CCDC42: variants seen among roughly 807,000 people sequenced by gnomAD.
CCDC42 encodes the protein coiled-coil domain-containing protein 42.
Under a neutral mutation model 40.8 loss-of-function variants are expected in CCDC42, and 38 were observed. The observed-to-expected ratio is 0.93, with a 90% CI of 0.72 to 1.22. CCDC42 has a LOEUF of 1.22. Ranked by LOEUF, CCDC42 falls within the 50% of genes most tolerant of loss-of-function variation. The pLI is 0.00. For missense variants in CCDC42, 379 were observed against 416.5 expected (o/e 0.91, Z 0.78); for synonymous variants, 135 against 157.5 (o/e 0.86, Z 1.07).
chr17:8,730,485 A>G (rs2086573790), intron 6 of CCDC42, among the ~76,000 whole-genome samples: 1 of 152,096 alleles, frequency 6.6e-6, no homozygotes, highest in South Asian at 2.1e-4. Context: ...GATTACAGGT[A>G]CTTGTGACCA....
At position 8,744,812 on chromosome 17, in the gene CCDC42, AT is replaced by A; in HGVS notation, c.-204del. The A allele has an allele frequency of 1.7e-6, 1 of 593,794 alleles. No individual in the cohort carries two copies. Among genetic ancestry groups the A allele is most frequent in the Non-Finnish European group, 3.0e-6 (1 of 331,764 alleles). 36.8% of individuals were successfully genotyped at this position (593,794 alleles called of 1,614,324 possible). ...CTCAGGACGATGTGCTGGGGCAGTT[AT>A]GGGAGATGTGGTTACCTAGCAACAG... On this transcript the variant is annotated 5_prime_UTR_variant, in exon 1 of 7. Transcript: ENST00000293845.
rs557989105 is a variant in CCDC42, at chr17:8,743,058, G to A, written c.294+568C>T. 9.0e-4 allele frequency among the ~76,000 whole-genome samples: 137 copies of A among 152,316 alleles called. 2 individuals are homozygous for A. The South Asian group carries it at 0.018, about 21-fold the overall frequency. On this transcript the variant is annotated intron_variant, in intron 3 of 6. Coordinates refer to ENST00000293845, the MANE Select transcript of CCDC42 (RefSeq NM_144681.3). The stretch of plus-strand genomic sequence containing the variant: ...CCGACGGCAATCATTACCCACTCCC[G>A]GAGCTGGACCAGGCCCTTCAGGGCT...
chr17:8,742,981 G>C (rs1399608939), intron 3 of CCDC42, among the ~76,000 whole-genome samples: 2 of 152,212 alleles, frequency 1.3e-5, no homozygotes, highest in African/African-American at 4.8e-5. Context: ...GTCCCACACG[G>C]CTTAGGCACA....
intron 4 of CCDC42, among the ~76,000 whole-genome samples, chr17:8,738,228 C>G (rs541023654): frequency 1.6e-4 from 25 of 152,266 alleles, no homozygotes; most frequent in Admixed American, 1.6e-3. Context: ...GAGCTCTCAT[C>G]TCTTAGAGAT....
chr17:8,743,986 T>C, intron 2 of CCDC42, 93 bp downstream of exon 2: 1 of 1,001,052 alleles, frequency 1.0e-6, no homozygotes, highest in South Asian at 1.5e-5. Context: ...GCCACCCCAC[T>C]CAGACAATGG....
At chr17:8,741,206 G>C (rs1250057978) in intron 4 of CCDC42, among the ~76,000 whole-genome samples, 1 of 152,136 alleles carries the variant, frequency 6.6e-6, no homozygotes, top group Non-Finnish European at 1.5e-5. Context: ...GGCTCACACA[G>C]ACACACAAAG....
At chr17:8,741,372 A>C (rs958671976) in intron 4 of CCDC42, 102 bp downstream of exon 4, 11 of 1,206,640 alleles carry the variant, frequency 9.1e-6, no homozygotes, top group Admixed American at 5.4e-5. Flanking sequence ...CACAGTCCCC[A>C]GCCAGCTGAG....
chr17:8,744,778 G>A lies in CCDC42; in HGVS notation c.-169C>T. 1 of 631,762 alleles carries A rather than the reference G, an allele frequency of 1.6e-6. No homozygotes were observed. The highest frequency in any genetic ancestry group is 2.7e-5 in the East Asian group (1 of 36,592). 39.1% of individuals were successfully genotyped at this position (631,762 alleles called of 1,614,324 possible). The stretch of plus-strand genomic sequence containing the variant: ...CTCCACAGAAGGTGGCTGGAGACAG[G>A]TTGGGCGGCTCAGGACGATGTGCTG... On this transcript the variant is annotated 5_prime_UTR_variant, in exon 1 of 7. Coordinates refer to ENST00000293845, the MANE Select transcript of CCDC42 (RefSeq NM_144681.3).
In CCDC42 at chr17:8,735,693, G is replaced by T; in HGVS notation, c.493-82C>A. 2 of 1,224,524 alleles carry T rather than the reference G, an allele frequency of 1.6e-6. No homozygotes were observed. Among genetic ancestry groups the T allele is most frequent in the Non-Finnish European group, 1.1e-6 (1 of 876,622 alleles). The allele number at this position is 1,224,524 out of a possible 1,614,324, so 75.9% of individuals were successfully genotyped here. A position where few individuals can be genotyped will look rare whatever the true frequency, so the allele number is the denominator to read the frequency against. ...CCCAGTCCTGCCAACCTCCAGCCTG[G>T]ATGCCTGGACACCTGGACACCTGGG... On this transcript the variant is annotated intron_variant, in intron 4 of 6. Transcript: ENST00000293845. The surrounding 1 kb of genome is among the most constrained non-coding windows in gnomAD (Gnocchi z 4.7).
At chr17:8,741,149 C>T (rs964924058) in intron 4 of CCDC42, among the ~76,000 whole-genome samples, 7 of 152,238 alleles carry the variant, frequency 4.6e-5, no homozygotes, top group African/African-American at 1.2e-4. Flanking sequence ...CATGGACACA[C>T]ATGCAGACAT....
In CCDC42 at chr17:8,735,518, T is replaced by C; in HGVS notation, c.586A>G (p.Ile196Val). 1 of 1,614,144 alleles carries C rather than the reference T, an allele frequency of 6.2e-7. No individual in the cohort carries two copies. The stretch of plus-strand genomic sequence containing the variant: ...GCCAGCCGGGCCTTGGCGCGCTCAA[T>C]CTTCTCCTGGCCTTCCTGCGCAGAC... ...MQSAQEGQEK[I>V]ERAKARLARY... Residue 196 changes from isoleucine (I) to valine (V), a missense_variant, in exon 5 of 7, where the codon ATT (isoleucine) becomes GTT (valine). Physicochemically the swap from Ile to Val is conservative, Grantham distance 29 (BLOSUM62 3). Coordinates refer to ENST00000293845, the MANE Select transcript of CCDC42 (RefSeq NM_144681.3). This position sits in a 1 kb window ranked among gnomAD's most constrained non-coding sequence, Gnocchi z 4.7.
intron 3 of CCDC42, among the ~76,000 whole-genome samples, chr17:8,742,818 ACT>A (rs1315878449): frequency 1.3e-5 from 2 of 152,108 alleles, no homozygotes; most frequent in African/African-American, 4.8e-5. Flanking sequence ...TTTGTAGCAA[ACT>A]CTCTGGGAAT....
At chr17:8,732,642 G>A (rs72846983) in intron 6 of CCDC42, among the ~76,000 whole-genome samples, 50,431 of 152,026 alleles carry the variant, frequency 0.33, 9,481 homozygotes, top group Non-Finnish European at 0.44. Flanking sequence ...TTTTAGAAAC[G>A]CTGTCTGCTG....
chr17:8,730,224 C>A lies in CCDC42; in HGVS notation c.874-17G>T. 6.2e-7 allele frequency: 1 copy of A among 1,609,044 alleles called. No individual in the cohort carries two copies. The highest frequency in any genetic ancestry group is 2.2e-5 in the East Asian group (1 of 44,760). On this transcript the variant is annotated splice_polypyrimidine_tract_variant and intron_variant, in intron 6 of 6. Transcript: ENST00000293845. ...TTGCTGGATCTAGAAAGGCAAGGAGCCCAGCGTTAACTCCGCCCCCCAGAG... is the reference window on the plus strand; with the variant it reads ...TTGCTGGATCTAGAAAGGCAAGGAGACCAGCGTTAACTCCGCCCCCCAGAG...
intron 2 of CCDC42, 133 bp downstream of exon 2, chr17:8,743,946 C>T (rs1033719865): frequency 2.9e-5 from 20 of 692,914 alleles, no homozygotes; most frequent in Non-Finnish European, 4.7e-5. Flanking sequence ...CCCAAAGAGA[C>T]CAGATCACCA....
rs902120914 is a variant in CCDC42 at position 8,744,532 on chromosome 17, C to T, written c.78G>A (p.Met26Ile). The change falls in exon 1 of 7, where the codon ATG becomes ATA. Residue 26 changes from methionine to isoleucine, a missense_variant. Met to Ile is a conservative substitution (Grantham distance 10). Coordinates refer to ENST00000293845, the MANE Select transcript of CCDC42 (RefSeq NM_144681.3). ...GCCAGGCCTCAGACACTCACTGGAGCATCTGCAGCAGCCGCTCCCCATACT... is the reference window on the plus strand; with the variant it reads ...GCCAGGCCTCAGACACTCACTGGAGTATCTGCAGCAGCCGCTCCCCATACT... ...RLQYGERLLQ[M>I]LQKLPNVEGA... 1.2e-6 allele frequency: 2 copies of T among 1,610,560 alleles called. No homozygotes were observed. Among genetic ancestry groups the T allele is most frequent in the Non-Finnish European group, 8.5e-7 (1 of 1,179,420 alleles).
chr17:8,735,553 T>C lies in CCDC42; in HGVS notation c.551A>G (p.Asp184Gly). Residue 184 changes from aspartate (D) to glycine (G), a missense_variant, in exon 5 of 7, where the codon GAC becomes GGC. Transcript: ENST00000293845. This position sits in a 1 kb window ranked among gnomAD's most constrained non-coding sequence, Gnocchi z 4.7. ...RYKTLVSMRH[D>G]LMQSAQEGQE... ...GCCTTCCTGCGCAGACTGCATGAGG[T>C]CGTGGCGCATGCTCACCAGCGTCTT... The C allele has an allele frequency of 6.2e-7, 1 of 1,614,048 alleles. No individual in the cohort carries two copies. The highest frequency in any genetic ancestry group is 8.5e-7 in the Non-Finnish European group (1 of 1,180,028).
At chr17:8,736,415 C>T (rs2086611749) in intron 4 of CCDC42, among the ~76,000 whole-genome samples, 1 of 152,238 alleles carries the variant, frequency 6.6e-6, no homozygotes, top group Admixed American at 6.5e-5. Context: ...AACCATGCCA[C>T]TCTGGCCCTA....
At chr17:8,737,862 C>T (rs2086620903) in intron 4 of CCDC42, among the ~76,000 whole-genome samples, 1 of 152,244 alleles carries the variant, frequency 6.6e-6, no homozygotes, top group Non-Finnish European at 1.5e-5. Flanking sequence ...ATTGTTCAGG[C>T]TGGACTACAG....
Sources: allele counts gnomAD v4.1 joint callset (sites outside exome capture counted in the v4.1 genomes callset), GRCh38; gene constraint gnomAD v4.1.1; non-coding constraint Gnocchi (gnomAD v3.1); transcripts MANE v1.5; gene names NCBI Gene and HGNC (gene_info 2026-07-23, HGNC 2026-07-21).